The following METTL8 variants were observed in gnomAD, a reference collection of about 807,000 sequenced individuals.
METTL8 encodes the protein methyltransferase 8, tRNA N3-cytidine, also known as tRNA N(3)-cytidine methyltransferase METTL8, mitochondrial.
METTL8 carries 32 observed loss-of-function variants against 48.7 expected under a neutral mutation model. The ratio of observed to expected loss-of-function variants is 0.66; its 90% CI spans 0.50 to 0.88. METTL8 has a LOEUF of 0.88. Among genes scored for constraint, METTL8 ranks in the 40% least tolerant of loss-of-function variants. The pLI, the probability that METTL8 is intolerant of heterozygous loss-of-function variation, is 0.00. For synonymous variants in METTL8, 136 were observed against 157.1 expected, an observed-to-expected ratio of 0.87 and a Z score of 1.01; for missense variants, 464 against 474.4, an observed-to-expected ratio of 0.98 and a Z score of 0.20.
intron 1 of METTL8, among the ~76,000 whole-genome samples, chr2:171,412,390 A>G (rs922925007): frequency 1.3e-5 from 2 of 152,180 alleles, no homozygotes; most frequent in Non-Finnish European, 2.9e-5. Flanking sequence ...CTTCCCAGCC[A>G]GACTTGCTCT....
intron 1 of METTL8, among the ~76,000 whole-genome samples, chr2:171,426,428 C>T (rs1276570727): frequency 1.3e-5 from 2 of 152,090 alleles, no homozygotes; most frequent in Non-Finnish European, 2.9e-5. Context: ...ACCAGCAGGG[C>T]ACATAAGAGA....
intron 3 of METTL8, among the ~76,000 whole-genome samples, chr2:171,346,976 T>G (rs2105437758): frequency 6.6e-6 from 1 of 152,290 alleles, no homozygotes; most frequent in South Asian, 2.1e-4. Flanking sequence ...TTTACCACCC[T>G]CCGGGTAGCC....
chr2:171,359,593 G>T (rs575041899), intron 3 of METTL8, among the ~76,000 whole-genome samples: 14 of 151,672 alleles, frequency 9.2e-5, no homozygotes, highest in Non-Finnish European at 1.9e-4. Context: ...ATTCATAGTA[G>T]CCATAACATG....
intron 5 of METTL8, among the ~76,000 whole-genome samples, chr2:171,334,190 C>T (rs552238557): frequency 6.6e-6 from 1 of 152,324 alleles, no homozygotes; most frequent in African/African-American, 2.4e-5. Context: ...CTGCAGTCTA[C>T]CTTTGGGCAG....
At chr2:171,418,920 A>C (rs1245137774) in intron 1 of METTL8, among the ~76,000 whole-genome samples, 1 of 151,074 alleles carries the variant, frequency 6.6e-6, no homozygotes, top group Non-Finnish European at 1.5e-5. Flanking sequence ...ATGCCACTGT[A>C]CTCCAGCCTG....
At chr2:171,423,782 T>C (rs1225772979) in intron 1 of METTL8, among the ~76,000 whole-genome samples, 1 of 151,968 alleles carries the variant, frequency 6.6e-6, no homozygotes, top group Non-Finnish European at 1.5e-5. Flanking sequence ...GCAGTAGAAA[T>C]GAAAAACCCA....
At chr2:171,425,168 T>C (rs1574248075) in intron 1 of METTL8, among the ~76,000 whole-genome samples, 1 of 152,214 alleles carries the variant, frequency 6.6e-6, no homozygotes, top group South Asian at 2.1e-4. Flanking sequence ...TGAGGAACTG[T>C]GAGTCAATTA....
intron 1 of METTL8, 127 bp from the exon 2 acceptor site, chr2:171,392,324 G>C: frequency 1.5e-6 from 1 of 686,952 alleles, no homozygotes; most frequent in Non-Finnish European, 2.3e-6. Flanking sequence ...ACTTTTTAAT[G>C]AAAGATGAGC....
chr2:171,375,311 C>A, intron 2 of METTL8: 1 of 764,782 alleles, frequency 1.3e-6, no homozygotes, highest in Non-Finnish European at 2.3e-6. Context: ...ATATGTTTAT[C>A]TTTTAAAGAA....
At chr2:171,357,862 A>G (rs1684755103) in intron 3 of METTL8, among the ~76,000 whole-genome samples, 1 of 152,008 alleles carries the variant, frequency 6.6e-6, no homozygotes, top group Non-Finnish European at 1.5e-5. Context: ...CACTTGATTA[A>G]TTTTTGTATT....
Position 171,323,226 on chromosome 2 carries a change from C to CTTTA in METTL8, c.*945_*946insTAAA, listed in dbSNP as rs368549860. 20 of 69,390 alleles carry CTTTA rather than the reference C, an allele frequency of 2.9e-4. 1 individual carries two copies. Among genetic ancestry groups the CTTTA allele is most frequent in the African/African-American group, 1.1e-3 (18 of 16,502 alleles). The allele number at this position is 69,390 out of a possible 1,614,324, so 4.3% of individuals were successfully genotyped here. The stretch of plus-strand genomic sequence containing the variant: ...TACAAGAGCTTGTCAGCTTACATAC[C>CTTTA]TTTTTTTTTTTTTTTTTTTTTTTTG... On this transcript the variant is annotated 3_prime_UTR_variant, in exon 10 of 10. Transcript: ENST00000375258.
At chr2:171,350,649 G>A (rs1441453151) in intron 3 of METTL8, among the ~76,000 whole-genome samples, 10 of 152,074 alleles carry the variant, frequency 6.6e-5, no homozygotes, top group South Asian at 4.2e-4. Context: ...TTTAATGATT[G>A]CCATTCTAAC....
chr2:171,353,145 T>A (rs965673182), intron 3 of METTL8, among the ~76,000 whole-genome samples: 10 of 152,362 alleles, frequency 6.6e-5, no homozygotes, highest in Admixed American at 2.6e-4. Flanking sequence ...TTTAAATGTG[T>A]CCCAGAGATT....
intron 3 of METTL8, among the ~76,000 whole-genome samples, chr2:171,347,341 C>G (rs906922216): frequency 6.6e-6 from 1 of 152,260 alleles, no homozygotes; most frequent in East Asian, 1.9e-4. Context: ...ACACTACGTA[C>G]GGTTCTATGG....
At chr2:171,364,969 G>A (rs1426286669) in intron 2 of METTL8, among the ~76,000 whole-genome samples, 1 of 152,052 alleles carries the variant, frequency 6.6e-6, no homozygotes, top group Non-Finnish European at 1.5e-5. Context: ...TTAGGTTAAA[G>A]GAAAAAATAG....
intron 3 of METTL8, among the ~76,000 whole-genome samples, chr2:171,352,837 C>T (rs1038754254): frequency 3.7e-4 from 57 of 152,078 alleles, no homozygotes; most frequent in Middle Eastern, 3.4e-3. Context: ...TTTTTTATTG[C>T]ATCTGTTTGA....
chr2:171,327,954 A>C (rs1685125698), intron 7 of METTL8, among the ~76,000 whole-genome samples: 1 of 152,204 alleles, frequency 6.6e-6, no homozygotes, highest in Admixed American at 6.5e-5. Context: ...AACACTTTAA[A>C]ATGTAGCCAC....
At chr2:171,376,312 T>C (rs1040438329) in intron 2 of METTL8, among the ~76,000 whole-genome samples, 1 of 152,160 alleles carries the variant, frequency 6.6e-6, no homozygotes, top group Non-Finnish European at 1.5e-5. Context: ...TCCAACCTCA[T>C]CTTGGGAATC....
Position 171,363,796 on chromosome 2 carries a change from A to ATATATATATATATATATATATATATATG in METTL8, c.144-3284_144-3283insCATATATATATATATATATATATATATA, listed in dbSNP as rs1019814294. 4.3e-4 allele frequency among the ~76,000 whole-genome samples: 51 copies of ATATATATATATATATATATATATATATG among 117,382 alleles called. 1 individual carries two copies. The highest frequency in any genetic ancestry group is 1.2e-3 in the African/African-American group (37 of 32,020). The allele number at this position is 117,382 out of a possible 152,430, so 77.0% of individuals were successfully genotyped here. On this transcript the variant is annotated intron_variant, in intron 2 of 9. Coordinates refer to ENST00000375258, the MANE Select transcript of METTL8 (RefSeq NM_001321154.2). Reference sequence around the variant, plus strand: ...AAAAAAGTACATCCCCAAATTTTATATATATATATATATATATATCTTTTT... The same window carrying ATATATATATATATATATATATATATATG: ...AAAAAAGTACATCCCCAAATTTTATATATATATATATATATATATATATATATGTATATATATATATATATATCTTTTT...
Sources: allele counts gnomAD v4.1 joint callset (sites outside exome capture counted in the v4.1 genomes callset), GRCh38; gene constraint gnomAD v4.1.1; transcripts MANE v1.5; gene names NCBI Gene and HGNC (gene_info 2026-07-23, HGNC 2026-07-21).